The following SERINC1 variants were observed in gnomAD, a reference collection of about 807,000 sequenced individuals.
SERINC1 encodes tumor differentially expressed protein 2.
A neutral mutation model predicts 52.9 loss-of-function variants in SERINC1; 38 were observed. The observed-to-expected ratio is 0.72, with a 90% CI of 0.55 to 0.94. The LOEUF (loss-of-function observed/expected upper bound fraction) is 0.94. Among genes scored for constraint, SERINC1 ranks in the 40% least tolerant of loss-of-function variants. The probability of loss-of-function intolerance (pLI) is 0.00; values close to 1 mark genes in which losing one functional copy is unlikely to be tolerated. For synonymous variants in SERINC1, 198 were observed against 183.1 expected (o/e 1.08, Z -0.66); for missense variants, 471 against 533.9 (o/e 0.88, Z 1.16).
At chr6:122,469,080 T>C (rs1775231766) in intron 1 of SERINC1, among the ~76,000 whole-genome samples, 1 of 152,186 alleles carries the variant, frequency 6.6e-6, no homozygotes, top group South Asian at 2.1e-4. Flanking sequence ...TAAAAAATTA[T>C]ACTGCCATGA....
rs1562219434 is a variant in SERINC1, at chr6:122,471,590, C to T, written c.39+109G>A. On this transcript the variant is annotated intron_variant, in intron 1 of 9. Coordinates refer to ENST00000339697, the MANE Select transcript of SERINC1 (RefSeq NM_020755.4). ...AAAACGGGGACAGAGAGGGCACTCC[C>T]TGTTGGGTGGGGCACCACATTCCCG... 11 of 1,341,918 alleles carry T rather than the reference C, an allele frequency of 8.2e-6. No individual in the cohort carries two copies. In the South Asian group the frequency reaches 9.4e-5, roughly 11 times the overall value. The allele number at this position is 1,341,918 out of a possible 1,614,324, so 83.1% of individuals were successfully genotyped here. A position where few individuals can be genotyped will look rare whatever the true frequency, so the allele number is the denominator to read the frequency against.
chr6:122,467,784 T>C (rs1775212822), intron 1 of SERINC1, among the ~76,000 whole-genome samples: 1 of 152,228 alleles, frequency 6.6e-6, no homozygotes, highest in Non-Finnish European at 1.5e-5. Flanking sequence ...ATAATGTTCA[T>C]TTACCAAAAT....
At chr6:122,449,641 A>G (rs1359116974) in intron 7 of SERINC1, among the ~76,000 whole-genome samples, 2 of 152,244 alleles carry the variant, frequency 1.3e-5, no homozygotes, top group African/African-American at 2.4e-5. Flanking sequence ...TCCGTAACAT[A>G]AAAGTATAAG....
At position 122,452,008 on chromosome 6, in the gene SERINC1, G is replaced by C. The variant is rs139825387; in HGVS notation, c.639C>G (p.Ile213Met). Reference sequence around the variant, plus strand: ...GAGTGTAGTAGACAAAGAACAGGACGATAGCAACTAAAGACAGCAGATAAT... The same window carrying C: ...GAGTGTAGTAGACAAAGAACAGGACCATAGCAACTAAAGACAGCAGATAAT... ...ALNYLLSLVA[I>M]VLFFVYYTHP... Residue 213 changes from isoleucine to methionine, a missense_variant, in exon 6 of 10, where the codon ATC becomes ATG. Physicochemically the swap from Ile to Met is conservative, Grantham distance 10. Coordinates refer to ENST00000339697, the MANE Select transcript of SERINC1 (RefSeq NM_020755.4). The C allele has an allele frequency of 6.9e-6, 11 of 1,583,336 alleles. No homozygotes were observed. Among genetic ancestry groups the C allele is most frequent in the Non-Finnish European group, 9.4e-6 (11 of 1,165,824 alleles).
chr6:122,465,381 T>C (rs1271595347), intron 1 of SERINC1, among the ~76,000 whole-genome samples: 1 of 152,112 alleles, frequency 6.6e-6, no homozygotes, highest in African/African-American at 2.4e-5. Flanking sequence ...CCTGAAAGAA[T>C]AAAACATGAG....
intron 7 of SERINC1, among the ~76,000 whole-genome samples, chr6:122,449,524 T>C (rs1161363105): frequency 1.3e-5 from 2 of 152,136 alleles, no homozygotes; most frequent in Non-Finnish European, 2.9e-5. Context: ...AGCAAGGCCC[T>C]CTCTCTCACT....
At chr6:122,469,680 C>T (rs934845529) in intron 1 of SERINC1, among the ~76,000 whole-genome samples, 2 of 152,182 alleles carry the variant, frequency 1.3e-5, no homozygotes, top group African/African-American at 4.8e-5. Flanking sequence ...CTCAGCCTCC[C>T]GAGTAGCTGG....
intron 2 of SERINC1, among the ~76,000 whole-genome samples, chr6:122,457,356 T>C (rs1180040364): frequency 6.6e-6 from 1 of 152,228 alleles, no homozygotes; most frequent in Non-Finnish European, 1.5e-5. Flanking sequence ...CAGCATACGC[T>C]GCCATGGTTT....
chr6:122,459,902 G>C (rs1328876134), intron 1 of SERINC1, among the ~76,000 whole-genome samples: 2 of 152,102 alleles, frequency 1.3e-5, no homozygotes, highest in Admixed American at 1.3e-4. Context: ...AAAGGCTTGG[G>C]ATAATTACTA....
chr6:122,457,767 T>C (rs1469154753), intron 2 of SERINC1, among the ~76,000 whole-genome samples: 3 of 150,994 alleles, frequency 2.0e-5, no homozygotes, highest in African/African-American at 7.3e-5. Context: ...CAGCCTATGA[T>C]ATTCTTGTTA....
At chr6:122,454,063 AAGAC>A in intron 4 of SERINC1, 84 bp downstream of exon 4, 1 of 1,176,380 alleles carries the variant, frequency 8.5e-7, no homozygotes, top group Non-Finnish European at 1.2e-6. Context: ...CCCAAACAAA[AAGAC>A]AAACAATTAT....
Position 122,445,257 on chromosome 6 carries a change from T to C in SERINC1, c.1227-78A>G, listed in dbSNP as rs1774769232. On this transcript the variant is annotated intron_variant, in intron 9 of 9. Transcript: ENST00000339697. ...CCACCAAGCTATGAAGCTTCATTAA[T>C]TCAGAAGCGTGCTTTGTATACAGTT... The C allele has an allele frequency of 8.7e-6, 12 of 1,377,152 alleles. No individual in the cohort carries two copies. The South Asian group carries it at 1.5e-4, about 18-fold the overall frequency. 85.3% of individuals were successfully genotyped at this position (1,377,152 alleles called of 1,614,324 possible).
Position 122,451,776 on chromosome 6 carries a change from A to AAAAAAAAAAAAAAATATATATATATATAT in SERINC1, c.760-23_760-22insATATATATATATATATTTTTTTTTTTTTT. 1.5e-4 allele frequency: 17 copies of AAAAAAAAAAAAAAATATATATATATATAT among 113,070 alleles called. 1 individual carries two copies. The highest frequency in any genetic ancestry group is 3.2e-4 in the Admixed American group (1 of 3,132). 7.0% of individuals were successfully genotyped at this position (113,070 alleles called of 1,614,324 possible). Reference sequence around the variant, plus strand: ...ATTCCTACAAAAAAAAAAAAAAAAAAATATATATATATATATATAGCAACA... The same window carrying AAAAAAAAAAAAAAATATATATATATATAT: ...ATTCCTACAAAAAAAAAAAAAAAAAAAAAAAAAAAAAAAATATATATATATATATATATATATATATATATATAGCAACA... On this transcript the variant is annotated intron_variant, in intron 6 of 9. Coordinates refer to ENST00000339697, the MANE Select transcript of SERINC1 (RefSeq NM_020755.4).
chr6:122,451,756 TACAAAAAAAAAA>T lies in SERINC1; in HGVS notation c.760-14_760-3del, dbSNP rs1774907407. 1.0e-5 allele frequency: 1 copy of T among 96,442 alleles called. No homozygotes were observed. The highest frequency in any genetic ancestry group is 6.0e-4 in the Admixed American group (1 of 1,678). 6.0% of individuals were successfully genotyped at this position (96,442 alleles called of 1,614,324 possible). On this transcript the variant is annotated splice_polypyrimidine_tract_variant and splice_region_variant and intron_variant, in intron 6 of 9. Transcript: ENST00000339697. ...CAAACCAGATCTTGGTTGTGATTCC[TACAAAAAAAAAA>T]AAAAAAAAATATATATATATATATA...
intron 1 of SERINC1, among the ~76,000 whole-genome samples, chr6:122,466,019 T>A (rs1285581804): frequency 6.6e-6 from 1 of 152,000 alleles, no homozygotes; most frequent in Non-Finnish European, 1.5e-5. Context: ...GCAGATCACT[T>A]GAGGTCAGGA....
chr6:122,444,608 G>A lies in SERINC1; in HGVS notation c.*436C>T, dbSNP rs1268433800. ...CAGACAACTGGCATTTAAGTGACTT[G>A]TTTATAAATTTTAAAATAAACCATG... On this transcript the variant is annotated 3_prime_UTR_variant, in exon 10 of 10. Coordinates refer to ENST00000339697, the MANE Select transcript of SERINC1 (RefSeq NM_020755.4). The A allele has an allele frequency of 6.4e-6, 1 of 155,158 alleles. No individual in the cohort carries two copies. Among genetic ancestry groups the A allele is most frequent in the Non-Finnish European group, 1.4e-5 (1 of 70,100 alleles). 9.6% of individuals were successfully genotyped at this position (155,158 alleles called of 1,614,324 possible).
At chr6:122,445,275 A>G in intron 9 of SERINC1, 96 bp from the exon 10 acceptor site, 1 of 1,217,236 alleles carries the variant, frequency 8.2e-7, no homozygotes, top group South Asian at 1.5e-5. Context: ...CGTGCTTTGT[A>G]TACAGTTTGT....
chr6:122,453,716 AT>A (rs1451653640), intron 5 of SERINC1, 53 bp downstream of exon 5: 1 of 1,472,846 alleles, frequency 6.8e-7, no homozygotes, highest in Non-Finnish European at 9.2e-7. Context: ...CTACATATCT[AT>A]TCTCGACTTC....
intron 5 of SERINC1, among the ~76,000 whole-genome samples, chr6:122,453,492 A>G (rs1049971307): frequency 6.6e-6 from 1 of 152,186 alleles, no homozygotes; most frequent in Non-Finnish European, 1.5e-5. Context: ...TAAAGTGCAC[A>G]TGCTTTCAGT....
Sources: gnomAD v4.1 joint callset for allele counts (sites outside exome capture counted in the v4.1 genomes callset) on GRCh38, gnomAD v4.1.1 for gene constraint, MANE v1.5 for transcripts, NCBI Gene and HGNC (gene_info 2026-07-23, HGNC 2026-07-21) for gene names.